The following TMEM163 variants were observed in gnomAD, a reference collection of about 807,000 sequenced individuals.
The protein encoded by TMEM163 is transmembrane protein 163.
A neutral mutation model predicts 29.3 loss-of-function variants in TMEM163; 17 were observed. That is an observed-to-expected ratio of 0.58 (90% CI 0.40 to 0.87). The LOEUF is 0.87. Ranked by LOEUF, TMEM163 falls within the 40% of genes least tolerant of loss-of-function variation. TMEM163 has a pLI of 0.00. For synonymous variants in TMEM163, 157 were observed against 160.6 expected (o/e 0.98, Z 0.17); for missense variants, 303 against 381.5 (o/e 0.79, Z 1.71).
At chr2:134,681,509 A>AC (rs1264892415) in intron 2 of TMEM163, among the ~76,000 whole-genome samples, 2 of 147,416 alleles carry the variant, frequency 1.4e-5, no homozygotes, top group African/African-American at 2.5e-5. Context: ...CTTTCTCTCT[A>AC]CCCCCCACTC....
intron 2 of TMEM163, among the ~76,000 whole-genome samples, chr2:134,604,935 T>C (rs10170773): frequency 0.48 from 72,748 of 151,994 alleles, 18,260 homozygotes; most frequent in Non-Finnish European, 0.55. Context: ...ATCCCAGCAC[T>C]TTGGGAGGCT....
chr2:134,662,915 T>C (rs1186711034), intron 2 of TMEM163, among the ~76,000 whole-genome samples: 1 of 152,322 alleles, frequency 6.6e-6, no homozygotes, highest in East Asian at 1.9e-4. Context: ...AGTGGGCACC[T>C]TGTGTGATGG....
At chr2:134,509,667 A>C (rs1370109168) in intron 4 of TMEM163, among the ~76,000 whole-genome samples, 1 of 152,270 alleles carries the variant, frequency 6.6e-6, no homozygotes, top group Non-Finnish European at 1.5e-5. Flanking sequence ...ATCTATACCC[A>C]GCCTCCAGAG....
intron 2 of TMEM163, among the ~76,000 whole-genome samples, chr2:134,621,324 A>G (rs1311833921): frequency 6.6e-6 from 1 of 152,236 alleles, no homozygotes; most frequent in Non-Finnish European, 1.5e-5. Flanking sequence ...AGACAATAAC[A>G]AATGTTAGCA....
intron 5 of TMEM163, among the ~76,000 whole-genome samples, chr2:134,480,203 C>T (rs1384577066): frequency 6.6e-6 from 1 of 152,168 alleles, no homozygotes; most frequent in Non-Finnish European, 1.5e-5. Flanking sequence ...TAACACTCTC[C>T]CCTTTTCTCA....
intron 4 of TMEM163, among the ~76,000 whole-genome samples, chr2:134,540,185 G>T (rs1476476168): frequency 6.6e-6 from 1 of 152,222 alleles, no homozygotes; most frequent in Non-Finnish European, 1.5e-5. Flanking sequence ...GGTGCCAGAG[G>T]ACGGGCTACA....
At position 134,464,327 on chromosome 2, in the gene TMEM163, T is replaced by C. The variant is rs535913666; in HGVS notation, c.667+1787A>G. Reference sequence around the variant, plus strand: ...AACTTCAGTGTGCACCACATAGTCTTGGGGGGCTGGCATAAAACATCAGTT... The same window carrying C: ...AACTTCAGTGTGCACCACATAGTCTCGGGGGGCTGGCATAAAACATCAGTT... On this transcript the variant is annotated intron_variant, in intron 6 of 7. Transcript: ENST00000281924. 2.6e-5 allele frequency among the ~76,000 whole-genome samples: 4 copies of C among 152,188 alleles called. No homozygotes were observed. In the South Asian group the frequency reaches 8.3e-4, roughly 32 times the overall value.
intron 5 of TMEM163, among the ~76,000 whole-genome samples, chr2:134,487,115 C>G (rs991247924): frequency 3.3e-5 from 5 of 152,122 alleles, no homozygotes; most frequent in African/African-American, 7.2e-5. Flanking sequence ...ACCCTTACCA[C>G]CAACACTATA....
chr2:134,507,145 T>G (rs1196937186), intron 4 of TMEM163, among the ~76,000 whole-genome samples: 1 of 152,052 alleles, frequency 6.6e-6, no homozygotes, highest in Admixed American at 6.6e-5. Context: ...AAGACCAGCC[T>G]GCCCAACACG....
intron 2 of TMEM163, among the ~76,000 whole-genome samples, chr2:134,623,562 G>A (rs941646984): frequency 7.2e-5 from 11 of 152,132 alleles, no homozygotes; most frequent in Admixed American, 5.2e-4. Context: ...GAGGTCGGGA[G>A]TTCAAGACCA....
intron 4 of TMEM163, among the ~76,000 whole-genome samples, chr2:134,533,467 T>G (rs1450151804): frequency 1.3e-5 from 2 of 152,244 alleles, no homozygotes; most frequent in Admixed American, 1.3e-4. Flanking sequence ...TGATCTTTTA[T>G]GAGGAATGGA....
chr2:134,700,942 A>AAATAAATAAT (rs1684689135), intron 2 of TMEM163, among the ~76,000 whole-genome samples: 8 of 119,304 alleles, frequency 6.7e-5, no homozygotes, highest in South Asian at 4.8e-4. Flanking sequence ...AAATAAATAA[A>AAATAAATAAT]TAAATAAAGT....
chr2:134,646,944 A>G (rs1002488253), intron 2 of TMEM163, among the ~76,000 whole-genome samples: 2 of 152,220 alleles, frequency 1.3e-5, no homozygotes, highest in African/African-American at 4.8e-5. Context: ...CAAGTCAGCC[A>G]AAGTTCATTC....
At chr2:134,501,774 C>T (rs1046132462) in intron 5 of TMEM163, among the ~76,000 whole-genome samples, 1 of 152,162 alleles carries the variant, frequency 6.6e-6, no homozygotes, top group Non-Finnish European at 1.5e-5. Flanking sequence ...TTTGTTCGGG[C>T]TATCTCTGCT....
At chr2:134,550,704 T>C (rs368251858) in intron 3 of TMEM163, 43 bp from the exon 4 acceptor site, 9 of 1,567,990 alleles carry the variant, frequency 5.7e-6, no homozygotes, top group African/African-American at 4.1e-5. Flanking sequence ...CCACAGTTAA[T>C]AGCACACAAA....
chr2:134,507,537 C>T (rs1016269121), intron 4 of TMEM163, among the ~76,000 whole-genome samples: 1 of 152,024 alleles, frequency 6.6e-6, no homozygotes, highest in African/African-American at 2.4e-5. Context: ...TTTAATAAGC[C>T]CTTCAGGTGA....
chr2:134,546,712 C>T (rs1680795875), intron 4 of TMEM163, among the ~76,000 whole-genome samples: 1 of 150,698 alleles, frequency 6.6e-6, no homozygotes, highest in Admixed American at 6.6e-5. Context: ...ACTTGGGAGG[C>T]TGAGGTAGGA....
intron 2 of TMEM163, among the ~76,000 whole-genome samples, chr2:134,577,519 A>G (rs1213211095): frequency 6.6e-6 from 1 of 152,212 alleles, no homozygotes; most frequent in Non-Finnish European, 1.5e-5. Context: ...AGCAAGCTGG[A>G]GCCCTGCACG....
At chr2:134,550,741 T>C in intron 3 of TMEM163, 80 bp from the exon 4 acceptor site, 1 of 1,362,168 alleles carries the variant, frequency 7.3e-7, no homozygotes. Flanking sequence ...AACTGTGCTG[T>C]GACTCAGAAC....
Sources: allele counts gnomAD v4.1 joint callset (sites outside exome capture counted in the v4.1 genomes callset), GRCh38; gene constraint gnomAD v4.1.1; transcripts MANE v1.5; gene names NCBI Gene and HGNC (gene_info 2026-07-23, HGNC 2026-07-21).